The following ATP6V1E2 variants were observed in gnomAD, a reference collection of about 807,000 sequenced individuals.
The protein encoded by ATP6V1E2 is ATPase H+ transporting V1 subunit E2, also known as V-type proton ATPase subunit E 2.
For missense variants in ATP6V1E2, 308 were observed against 273.3 expected, an observed-to-expected ratio of 1.13 and a Z score of -0.90; for synonymous variants, 121 against 104.2, an observed-to-expected ratio of 1.16 and a Z score of -0.98.
At chr2:46,521,305 C>G (rs1666611961) in intron 4 of ATP6V1E2, among the ~76,000 whole-genome samples, 1 of 152,156 alleles carries the variant, frequency 6.6e-6, no homozygotes, top group Non-Finnish European at 1.5e-5. Context: ...AGTACCAAAT[C>G]CACAGCACCA....
intron 4 of ATP6V1E2, among the ~76,000 whole-genome samples, chr2:46,523,234 G>A (rs371724559): frequency 2.6e-5 from 4 of 152,230 alleles, no homozygotes; most frequent in East Asian, 3.9e-4. Flanking sequence ...AAGCTCTTTA[G>A]TTTAATTAGA....
rs1325557416 is a variant in ATP6V1E2, at chr2:46,512,034, T to C, written c.678A>G (p.Ile226Met). The change falls in exon 5 of 5, where the codon ATA (isoleucine) becomes ATG (methionine). Residue 226 changes from isoleucine (I) to methionine (M), a missense_variant. Physicochemically the swap from Ile to Met is conservative, Grantham distance 10. Coordinates refer to ENST00000522587, the MANE Select transcript of ATP6V1E2 (RefSeq NM_001318063.2). ...ACTAGCTTCACTTCCCAGAGGCTTATATAAAGAACTTTCTGTTGGTGTTAG... is the reference window on the plus strand; with the variant it reads ...ACTAGCTTCACTTCCCAGAGGCTTACATAAAGAACTTTCTGTTGGTGTTAG... ...FGANTNRKFF[I>M] The C allele has an allele frequency of 1.2e-5, 19 of 1,584,128 alleles. No homozygotes were observed. Among genetic ancestry groups the C allele is most frequent in the Middle Eastern group, 1.7e-4 (1 of 5,890 alleles).
chr2:46,537,477 A>T (rs1179482070), intron 2 of ATP6V1E2: 1 of 152,198 alleles, frequency 6.6e-6, no homozygotes. Flanking sequence ...TCTGGAAAAC[A>T]TGGTATATGG....
intron 4 of ATP6V1E2, among the ~76,000 whole-genome samples, chr2:46,523,904 C>A (rs2103874441): frequency 6.6e-6 from 1 of 152,178 alleles, no homozygotes; most frequent in South Asian, 2.1e-4. Flanking sequence ...CTCTCTTATT[C>A]CTTGAGCAGT....
intron 4 of ATP6V1E2, among the ~76,000 whole-genome samples, chr2:46,525,432 C>T (rs1237791717): frequency 7.2e-6 from 1 of 138,690 alleles, no homozygotes; most frequent in East Asian, 2.1e-4. Flanking sequence ...ACAGCACTCC[C>T]GCCTGGGCGA....
At chr2:46,529,777 A>G (rs60651494) in intron 4 of ATP6V1E2, among the ~76,000 whole-genome samples, 11,543 of 150,684 alleles carry the variant, frequency 0.077, 513 homozygotes, top group East Asian at 0.16. Flanking sequence ...TGATGATGAT[A>G]ATAATAATAA....
chr2:46,512,100 G>A lies in ATP6V1E2; in HGVS notation c.612C>T (p.Ala204=). Residue 204 remains alanine, a synonymous_variant, in exon 5 of 5, where the codon GCC becomes GCT. Coordinates refer to ENST00000522587, the MANE Select transcript of ATP6V1E2 (RefSeq NM_001318063.2). ...TTCGTATTTCTGGCATCTTTTGCTT[G>A]GCTGAGAGATCCAGTCGGCTTTCCA... ...NTLESRLDLS[A]KQKMPEIRMA... 1 of 1,613,936 alleles carries A rather than the reference G, an allele frequency of 6.2e-7. No homozygotes were observed. The highest frequency in any genetic ancestry group is 1.6e-4 in the Middle Eastern group (1 of 6,062).
intron 4 of ATP6V1E2, among the ~76,000 whole-genome samples, chr2:46,529,698 G>A (rs1667091267): frequency 6.6e-6 from 1 of 152,144 alleles, no homozygotes; most frequent in Non-Finnish European, 1.5e-5. Context: ...TGAGGCTGCA[G>A]TGAGCCGTGA....
In ATP6V1E2 at chr2:46,542,526, G is replaced by C. The variant is rs376814749; in HGVS notation, c.-683C>G. On this transcript the variant is annotated 5_prime_UTR_variant, in exon 1 of 5. Transcript: ENST00000522587. Reference sequence around the variant, plus strand: ...CGCCCCTCCGCGCGGCCCTCGCAGGGAGTGGGGCTCGGGTGCGCCGGCAGG... The same window carrying C: ...CGCCCCTCCGCGCGGCCCTCGCAGGCAGTGGGGCTCGGGTGCGCCGGCAGG... 1 of 149,428 alleles carries C rather than the reference G, an allele frequency of 6.7e-6. No individual in the cohort carries two copies. Among genetic ancestry groups the C allele is most frequent in the African/African-American group, 2.4e-5 (1 of 41,144 alleles). 9.3% of individuals were successfully genotyped at this position (149,428 alleles called of 1,614,324 possible). A position where few individuals can be genotyped will look rare whatever the true frequency, so the allele number is the denominator to read the frequency against.
intron 4 of ATP6V1E2, among the ~76,000 whole-genome samples, chr2:46,518,088 T>C (rs1666374390): frequency 6.6e-6 from 1 of 152,036 alleles, no homozygotes; most frequent in South Asian, 2.1e-4. Flanking sequence ...AGCCAAGAGG[T>C]AGAAACAATC....
chr2:46,533,309 T>A (rs1031502676), intron 4 of ATP6V1E2, among the ~76,000 whole-genome samples: 1 of 152,124 alleles, frequency 6.6e-6, no homozygotes, highest in Admixed American at 6.5e-5. Flanking sequence ...GGTCTGGCTC[T>A]ATCACTCAGA....
rs1667134472 is a variant in ATP6V1E2, at chr2:46,530,568, T to C, written c.-102+5245A>G. Among the ~76,000 whole-genome samples the C allele has an allele frequency of 6.6e-6, 1 of 152,254 alleles. No individual in the cohort carries two copies. Among genetic ancestry groups the C allele is most frequent in the Admixed American group, 6.5e-5 (1 of 15,280 alleles). ...TCAGTATGGCTGGATTTAAGTCTTT[T>C]ATCTTGCTATTTGTTTTCCATTGTA... On this transcript the variant is annotated intron_variant, in intron 4 of 4. Coordinates refer to ENST00000522587, the MANE Select transcript of ATP6V1E2 (RefSeq NM_001318063.2). The surrounding 1 kb of genome is among the most constrained non-coding windows in gnomAD (Gnocchi z 5.2).
Position 46,511,969 on chromosome 2 carries a change from TC to T in ATP6V1E2, c.*61del. The T allele has an allele frequency of 6.9e-7, 1 of 1,458,138 alleles. No homozygotes were observed. The highest frequency in any genetic ancestry group is 9.2e-7 in the Non-Finnish European group (1 of 1,086,060). The allele number at this position is 1,458,138 out of a possible 1,614,324, so 90.3% of individuals were successfully genotyped here. Reference sequence around the variant, plus strand: ...AGGAGGAAACACTACTAGTTTCCTTTCCCCAAAAAACTTAAACTTTTATGGT... The same window carrying T: ...AGGAGGAAACACTACTAGTTTCCTTTCCCAAAAAACTTAAACTTTTATGGT... On this transcript the variant is annotated 3_prime_UTR_variant, in exon 5 of 5. Coordinates refer to ENST00000522587, the MANE Select transcript of ATP6V1E2 (RefSeq NM_001318063.2).
chr2:46,534,922 C>G (rs1572718710), intron 4 of ATP6V1E2: 2 of 152,356 alleles, frequency 1.3e-5, no homozygotes, highest in South Asian at 4.1e-4. Context: ...TGAAGTTTCA[C>G]CTTATGCATG....
chr2:46,512,212 A>C lies in ATP6V1E2; in HGVS notation c.500T>G (p.Ile167Ser). 1 of 1,614,122 alleles carries C rather than the reference A, an allele frequency of 6.2e-7. No homozygotes were observed. The highest frequency in any genetic ancestry group is 8.5e-7 in the Non-Finnish European group (1 of 1,180,018). ...TISQKHVEVQ[I>S]DKEAYLAVNA... ...CACAGCCAGGTATGCCTCTTTATCA[A>C]TCTGGACCTCCACATGTTTCTGGGA... The change falls in exon 5 of 5, where the codon ATT becomes AGT. Residue 167 changes from isoleucine to serine, a missense_variant. Ile to Ser is a moderately radical substitution (Grantham distance 142). Coordinates refer to ENST00000522587, the MANE Select transcript of ATP6V1E2 (RefSeq NM_001318063.2).
At chr2:46,528,822 G>C (rs561971249) in intron 4 of ATP6V1E2, among the ~76,000 whole-genome samples, 4 of 152,262 alleles carry the variant, frequency 2.6e-5, no homozygotes, top group African/African-American at 9.6e-5. Context: ...GAGCTGAGAA[G>C]GCCGAATAGT....
At chr2:46,526,758 A>G (rs1666941743) in intron 4 of ATP6V1E2, among the ~76,000 whole-genome samples, 1 of 152,130 alleles carries the variant, frequency 6.6e-6, no homozygotes, top group South Asian at 2.1e-4. Context: ...TGTATATACC[A>G]TATTTTGTCT....
rs59810518 is a variant in ATP6V1E2, at chr2:46,540,613, C to CTTTTTTTTTTTT, written c.-310+765_-310+776dup. On this transcript the variant is annotated intron_variant, in intron 2 of 4. Transcript: ENST00000522587. Reference sequence around the variant, plus strand: ...TGAAATTTGAGAGCTTTTTCTGTAACTTTTTTTTTTTTTTTTTTTTTTTTT... The same window carrying CTTTTTTTTTTTT: ...TGAAATTTGAGAGCTTTTTCTGTAACTTTTTTTTTTTTTTTTTTTTTTTTTTTTTTTTTTTTT... Among the ~76,000 whole-genome samples the CTTTTTTTTTTTT allele has an allele frequency of 1.6e-3, 189 of 115,592 alleles. 9 individuals are homozygous for CTTTTTTTTTTTT. Among genetic ancestry groups the CTTTTTTTTTTTT allele is most frequent in the African/African-American group, 5.1e-3 (151 of 29,552 alleles). The allele number at this position is 115,592 out of a possible 152,430, so 75.8% of individuals were successfully genotyped here. A position where few individuals can be genotyped will look rare whatever the true frequency, so the allele number is the denominator to read the frequency against.
At chr2:46,527,054 G>A (rs377083131) in intron 4 of ATP6V1E2, among the ~76,000 whole-genome samples, 9 of 152,082 alleles carry the variant, frequency 5.9e-5, no homozygotes, top group African/African-American at 2.2e-4. Flanking sequence ...TTCTGGTTTT[G>A]TTTTTGTTTT....
Sources: allele counts gnomAD v4.1 joint callset (sites outside exome capture counted in the v4.1 genomes callset), GRCh38; gene constraint gnomAD v4.1.1; non-coding constraint Gnocchi (gnomAD v3.1); transcripts MANE v1.5; gene names NCBI Gene and HGNC (gene_info 2026-07-23, HGNC 2026-07-21).